N4BP2L2: variants seen among roughly 807,000 people sequenced by gnomAD.
N4BP2L2 encodes NEDD4-binding protein 2-like 2.
In N4BP2L2, 50 loss-of-function variants were observed where a neutral mutation model predicts 56.2. That is an observed-to-expected ratio of 0.89 (90% confidence interval 0.71 to 1.13). N4BP2L2 has a LOEUF of 1.13. Among genes scored for constraint, N4BP2L2 ranks in the 50% most tolerant of loss-of-function variants. The pLI is 0.00. For synonymous variants in N4BP2L2, 203 were observed against 223.6 expected (o/e 0.91, Z 0.82); for missense variants, 689 against 693.8 (o/e 0.99, Z 0.08).
intron 6 of N4BP2L2, among the ~76,000 whole-genome samples, chr13:32,490,552 G>A (rs2086838368): frequency 6.6e-6 from 1 of 152,030 alleles, no homozygotes; most frequent in African/African-American, 2.4e-5. Context: ...TGATCCACCC[G>A]CCCCAGCCTC....
intron 6 of N4BP2L2, among the ~76,000 whole-genome samples, chr13:32,476,278 G>A (rs1295823673): frequency 6.6e-6 from 1 of 152,190 alleles, no homozygotes; most frequent in East Asian, 1.9e-4. Flanking sequence ...AGTTAACAGG[G>A]TAAGGGAGCA....
chr13:32,521,348 T>G, intron 5 of N4BP2L2, 25 bp downstream of exon 5: 1 of 1,500,760 alleles, frequency 6.7e-7, no homozygotes, highest in Non-Finnish European at 9.2e-7. Flanking sequence ...AAGTTAAGGA[T>G]TCAATAAAAA....
chr13:32,468,259 A>G (rs2081593644), intron 6 of N4BP2L2, among the ~76,000 whole-genome samples: 1 of 141,700 alleles, frequency 7.1e-6, no homozygotes, highest in Non-Finnish European at 1.6e-5. Flanking sequence ...TCATTAGTGC[A>G]AAAAGAGACA....
At chr13:32,519,607 C>T (rs2050228046) in intron 5 of N4BP2L2, among the ~76,000 whole-genome samples, 1 of 151,884 alleles carries the variant, frequency 6.6e-6, no homozygotes, top group South Asian at 2.1e-4. Flanking sequence ...CTGAGATCGC[C>T]CCACTGAACT....
chr13:32,465,890 G>A (rs113111914), intron 6 of N4BP2L2, among the ~76,000 whole-genome samples: 8,740 of 152,228 alleles, frequency 0.057, 851 homozygotes, highest in African/African-American at 0.2. Context: ...CTGACCTCAT[G>A]ATCCACCCGC....
chr13:32,507,216 T>A (rs1166151527), downstream of N4BP2L2: 1 of 152,156 alleles, frequency 6.6e-6, no homozygotes, highest in Admixed American at 6.5e-5. Flanking sequence ...TGGCAGGAAA[T>A]CCTGGAGTCC....
intron 3 of N4BP2L2, chr13:32,524,139 C>T (rs1304410977): frequency 6.6e-6 from 1 of 152,136 alleles, no homozygotes; most frequent in Non-Finnish European, 1.5e-5. Flanking sequence ...TCTCTAAATA[C>T]CAAAAGAAAT....
intron 5 of N4BP2L2, 98 bp downstream of exon 5, chr13:32,521,275 T>G: frequency 6.1e-6 from 6 of 979,672 alleles, no homozygotes; most frequent in Non-Finnish European, 9.3e-6. Context: ...CTCAGTTTCC[T>G]GAACCTACAT....
rs565507958 is a variant in N4BP2L2, at chr13:32,434,788, C to G, written c.*21+1573G>C. On this transcript the variant is annotated intron_variant, in intron 9 of 9. Transcript: ENST00000357505. The stretch of plus-strand genomic sequence containing the variant: ...TTTCTCAATAAAATAGTAAAAAAAT[C>G]TGCACATAGCTATAGCACTCATAAA... Among the ~76,000 whole-genome samples, 7 of 152,248 alleles carry G rather than the reference C, an allele frequency of 4.6e-5. No homozygotes were observed. In the East Asian group the frequency reaches 1.4e-3, roughly 29 times the overall value.
chr13:32,464,469 T>C (rs1218048995), intron 6 of N4BP2L2, among the ~76,000 whole-genome samples: 2 of 152,174 alleles, frequency 1.3e-5, no homozygotes, highest in South Asian at 2.1e-4. Flanking sequence ...TGAGTTGCTG[T>C]TGAGAAAGCT....
At chr13:32,476,785 T>C (rs1468872596) in intron 6 of N4BP2L2, among the ~76,000 whole-genome samples, 3 of 152,178 alleles carry the variant, frequency 2.0e-5, no homozygotes, top group Non-Finnish European at 4.4e-5. Flanking sequence ...TTTATAAAGA[T>C]ACTTCTAAAC....
At chr13:32,484,157 TAC>T (rs2085371844) in intron 6 of N4BP2L2, among the ~76,000 whole-genome samples, 2 of 130,162 alleles carry the variant, frequency 1.5e-5, no homozygotes, top group African/African-American at 5.2e-5. Context: ...ACCCCATCTC[TAC>T]AAAAAATACA....
chr13:32,527,384 T>C (rs889958883), intron 3 of N4BP2L2, 24 bp downstream of exon 3: 3 of 1,610,884 alleles, frequency 1.9e-6, no homozygotes. Flanking sequence ...TATTCTATCC[T>C]GGGACACTTA....
At chr13:32,436,566 G>A (rs1291597709) in intron 8 of N4BP2L2, among the ~76,000 whole-genome samples, 1 of 151,974 alleles carries the variant, frequency 6.6e-6, no homozygotes, top group Non-Finnish European at 1.5e-5. Context: ...GAGGTGGGTG[G>A]ATCACCTGAG....
intron 6 of N4BP2L2, among the ~76,000 whole-genome samples, chr13:32,467,811 G>A (rs1251944371): frequency 4.6e-5 from 7 of 151,118 alleles, no homozygotes; most frequent in South Asian, 2.1e-4. Flanking sequence ...CCAACATAGC[G>A]AAACCCCATC....
rs939035086 is a variant in N4BP2L2, at chr13:32,497,951, TA to T, written c.365+19905del. ...CACAAGTACAGAAATTGAGAATAAG[TA>T]AAAAAAAAAATTTTATAGAAATTAG... On this transcript the variant is annotated intron_variant, in intron 6 of 9. Coordinates refer to the N4BP2L2 transcript ENST00000357505. Among the ~76,000 whole-genome samples the T allele has an allele frequency of 4.0e-5, 6 of 149,408 alleles. No homozygotes were observed. In the South Asian group the frequency reaches 1.1e-3, roughly 27 times the overall value.
Position 32,526,390 on chromosome 13 carries a change from T to A in N4BP2L2, c.1384+1018A>T, listed in dbSNP as rs1043324522. 5.3e-5 allele frequency among the ~76,000 whole-genome samples: 8 copies of A among 152,188 alleles called. No homozygotes were observed. The East Asian group carries it at 5.8e-4, about 11-fold the overall frequency. Reference sequence around the variant, plus strand: ...TGATCTGAAGGAACTGGCATTTTTTTAAATGTGTGATAACGGCACTGAAGT... The same window carrying A: ...TGATCTGAAGGAACTGGCATTTTTTAAAATGTGTGATAACGGCACTGAAGT... On this transcript the variant is annotated intron_variant, in intron 3 of 5. Transcript: ENST00000267068.
rs73447333 is a variant in N4BP2L2, at chr13:32,468,397, T to G, written c.366-24271A>C. On this transcript the variant is annotated intron_variant, in intron 6 of 9. Transcript: ENST00000357505. ...TTTAACAAATATTTGAGTGCTACTG[T>G]GTCCCAGACATTGTAAGATAAGGCA... Among the ~76,000 whole-genome samples the G allele has an allele frequency of 7.0e-3, 1,060 of 152,346 alleles. 17 individuals are homozygous for G. The highest frequency in any genetic ancestry group is 0.024 in the African/African-American group (998 of 41,574).
intron 6 of N4BP2L2, among the ~76,000 whole-genome samples, chr13:32,465,167 A>G (rs1020508561): frequency 6.6e-6 from 1 of 152,052 alleles, no homozygotes; most frequent in African/African-American, 2.4e-5. Context: ...GGGTTTCACC[A>G]TGTTGGCCAA....
Sources: gnomAD v4.1 joint callset for allele counts (sites outside exome capture counted in the v4.1 genomes callset) on GRCh38, gnomAD v4.1.1 for gene constraint, MANE v1.5 for transcripts, NCBI Gene and HGNC (gene_info 2026-07-23, HGNC 2026-07-21) for gene names.